CACNG5: variants seen among roughly 807,000 people sequenced by gnomAD.
CACNG5 encodes the protein calcium voltage-gated channel auxiliary subunit gamma 5, also known as voltage-dependent calcium channel gamma-5 subunit.
In CACNG5, 18 loss-of-function variants were observed where a neutral mutation model predicts 24.8. The observed-to-expected ratio is 0.73, with a 90% CI of 0.50 to 1.08. The LOEUF (loss-of-function observed/expected upper bound fraction) is 1.08. Ranked by LOEUF, CACNG5 falls within the 50% of genes least tolerant of loss-of-function variation. CACNG5 has a pLI of 0.00. For missense variants in CACNG5, 349 were observed against 367.9 expected (o/e 0.95, Z 0.42); for synonymous variants, 157 against 149.1 (o/e 1.05, Z -0.39).
chr17:66,884,278 G>T (rs1178461661), intron 4 of CACNG5, among the ~76,000 whole-genome samples: 1 of 152,228 alleles, frequency 6.6e-6, no homozygotes, highest in Admixed American at 6.5e-5. Flanking sequence ...TTAGCCCATG[G>T]CTTAGGAGGG....
intron 1 of CACNG5, among the ~76,000 whole-genome samples, chr17:66,842,924 G>A (rs1976587472): frequency 1.3e-5 from 2 of 152,192 alleles, no homozygotes; most frequent in Non-Finnish European, 2.9e-5. Flanking sequence ...GGGCAAGTGG[G>A]ACAGATGGCC....
rs1977321694 is a variant in CACNG5, at chr17:66,890,133, T to C, written c.*4893T>C. On this transcript the variant is annotated 3_prime_UTR_variant, in exon 6 of 6. Transcript: ENST00000533854. ...TGCCTTTGGAACACAGCACTCTGCC[T>C]AGGGAGTAGGTGCACAGGTGGATGG... 6.6e-6 allele frequency among the ~76,000 whole-genome samples: 1 copy of C among 152,212 alleles called. No homozygotes were observed. Among genetic ancestry groups the C allele is most frequent in the Non-Finnish European group, 1.5e-5 (1 of 68,034 alleles).
intron 1 of CACNG5, among the ~76,000 whole-genome samples, chr17:66,838,703 AAAT>A (rs1030059630): frequency 6.6e-6 from 1 of 152,166 alleles, no homozygotes; most frequent in African/African-American, 2.4e-5. Flanking sequence ...ATCTATTCTT[AAAT>A]AATAATAACG....
At chr17:66,843,671 A>ACC (rs1220829853) in intron 1 of CACNG5, among the ~76,000 whole-genome samples, 2 of 152,062 alleles carry the variant, frequency 1.3e-5, no homozygotes, top group African/African-American at 2.4e-5. Context: ...CTGTTCCAGG[A>ACC]GTTGGGACTT....
Position 66,892,338 on chromosome 17 carries a change from G to C in CACNG5, c.*7098G>C, listed in dbSNP as rs1432301632. Among the ~76,000 whole-genome samples the C allele has an allele frequency of 1.3e-5, 2 of 152,318 alleles. No homozygotes were observed. The highest frequency in any genetic ancestry group is 1.3e-4 in the Admixed American group (2 of 15,302). On this transcript the variant is annotated 3_prime_UTR_variant, in exon 6 of 6. Coordinates refer to ENST00000533854, the MANE Select transcript of CACNG5 (RefSeq NM_145811.3). ...ACTGGTATTCACTGGTATGCAGCTA[G>C]AGCCTGCCCCTGGAAAGAGGATAGA... is the stretch of plus-strand genomic sequence containing the variant.
intron 1 of CACNG5, among the ~76,000 whole-genome samples, chr17:66,851,572 A>T (rs1976709855): frequency 6.6e-6 from 1 of 152,246 alleles, no homozygotes; most frequent in Non-Finnish European, 1.5e-5. Flanking sequence ...AGGAGTAGAA[A>T]CCATATTAAA....
rs1258043993 is a variant in CACNG5, at chr17:66,893,187, C to T, written c.*7947C>T. On this transcript the variant is annotated 3_prime_UTR_variant, in exon 6 of 6. Transcript: ENST00000533854. ...GCAAGTCCTGTTTCAAGTGCACCCC[C>T]AAGAGCATGGCACCTACAGTCCTAA... 6.6e-6 allele frequency among the ~76,000 whole-genome samples: 1 copy of T among 152,324 alleles called. No homozygotes were observed. The highest frequency in any genetic ancestry group is 3.4e-3 in the Middle Eastern group (1 of 294).
At chr17:66,880,765 A>G in intron 4 of CACNG5, 68 bp downstream of exon 4, 2 of 1,576,356 alleles carry the variant, frequency 1.3e-6, no homozygotes, top group South Asian at 1.1e-5. Flanking sequence ...TTTTTGAGAC[A>G]GAGTCTTGCT....
At chr17:66,845,810 C>A (rs952904717) in intron 1 of CACNG5, among the ~76,000 whole-genome samples, 5 of 152,176 alleles carry the variant, frequency 3.3e-5, no homozygotes, top group African/African-American at 1.2e-4. Context: ...CAGTGCTAAT[C>A]ACAGACCTCC....
At chr17:66,852,018 G>T (rs929591190) in intron 1 of CACNG5, among the ~76,000 whole-genome samples, 2 of 152,242 alleles carry the variant, frequency 1.3e-5, no homozygotes, top group African/African-American at 4.8e-5. Context: ...GAGTAGGAAA[G>T]ATCCACTCTC....
rs2143140467 is a variant in CACNG5 at position 66,887,884 on chromosome 17, A to C, written c.*2644A>C. ...TGTCAATAATCACATCACCATCACAATTTCCTTTCTGTCTATAAATTCATC... is the reference window on the plus strand; with the variant it reads ...TGTCAATAATCACATCACCATCACACTTTCCTTTCTGTCTATAAATTCATC... On this transcript the variant is annotated 3_prime_UTR_variant, in exon 6 of 6. Transcript: ENST00000533854. Among the ~76,000 whole-genome samples, 1 of 152,250 alleles carries C rather than the reference A, an allele frequency of 6.6e-6. No individual in the cohort carries two copies. The highest frequency in any genetic ancestry group is 1.9e-4 in the East Asian group (1 of 5,174).
At position 66,879,177 on chromosome 17, in the gene CACNG5, G is replaced by C. The variant is rs573678586; in HGVS notation, c.283+119G>C. On this transcript the variant is annotated intron_variant, in intron 3 of 5. Coordinates refer to ENST00000533854, the MANE Select transcript of CACNG5 (RefSeq NM_145811.3). ...GGAATGCCCTTAGACTCAGCTGGGT[G>C]TGCTGTCCTGTTAATTAGAGATGAT... 2.9e-3 allele frequency: 1,903 copies of C among 662,230 alleles called. 3 individuals are homozygous for C. Among genetic ancestry groups the C allele is most frequent in the Non-Finnish European group, 3.4e-3 (1,299 of 381,642 alleles). The allele number at this position is 662,230 out of a possible 1,614,324, so 41.0% of individuals were successfully genotyped here.
In CACNG5 at chr17:66,838,960, C is replaced by CTTTTTTTTTTTTTTTTTTTTTTT. The variant is rs71160595; in HGVS notation, c.-104+3729_-104+3730insTTTTTTTTTTTTTTTTTTTTTTT. 9.1e-5 allele frequency among the ~76,000 whole-genome samples: 8 copies of CTTTTTTTTTTTTTTTTTTTTTTT among 88,094 alleles called. 1 individual carries two copies. The highest frequency in any genetic ancestry group is 1.5e-4 in the Non-Finnish European group (7 of 47,306). The allele number at this position is 88,094 out of a possible 152,430, so 57.8% of individuals were successfully genotyped here. A position where few individuals can be genotyped will look rare whatever the true frequency, so the allele number is the denominator to read the frequency against. On this transcript the variant is annotated intron_variant, in intron 1 of 5. Transcript: ENST00000533854. ...GTAGCACCCCAGTCCCTCACCCATTCTTTTTTTTTTTTTTTTTTTGAGACA... is the reference window on the plus strand; with the variant it reads ...GTAGCACCCCAGTCCCTCACCCATTCTTTTTTTTTTTTTTTTTTTTTTTTTTTTTTTTTTTTTTTTTTGAGACA...
At chr17:66,851,914 A>G (rs755553961) in intron 1 of CACNG5, among the ~76,000 whole-genome samples, 1 of 152,190 alleles carries the variant, frequency 6.6e-6, no homozygotes, top group East Asian at 1.9e-4. Context: ...TCTTGATCCA[A>G]GTGGATTCAG....
At position 66,891,954 on chromosome 17, in the gene CACNG5, C is replaced by A. The variant is rs2143148443; in HGVS notation, c.*6714C>A. Among the ~76,000 whole-genome samples the A allele has an allele frequency of 6.6e-6, 1 of 152,284 alleles. No individual in the cohort carries two copies. The highest frequency in any genetic ancestry group is 1.9e-4 in the East Asian group (1 of 5,192). On this transcript the variant is annotated 3_prime_UTR_variant, in exon 6 of 6. Coordinates refer to ENST00000533854, the MANE Select transcript of CACNG5 (RefSeq NM_145811.3). ...TGCTCTAGGCTCTAGGGGTTTAGTC[C>A]CAGATCTCTGAAATTTGTTTAAAGC...
chr17:66,858,892 G>T (rs1200783121), intron 1 of CACNG5, among the ~76,000 whole-genome samples: 1 of 152,162 alleles, frequency 6.6e-6, no homozygotes, highest in African/African-American at 2.4e-5. Context: ...TGAATACCTT[G>T]AATTCATCAC....
At chr17:66,855,719 AC>A in intron 1 of CACNG5, among the ~76,000 whole-genome samples, 1 of 151,976 alleles carries the variant, frequency 6.6e-6, no homozygotes, top group South Asian at 2.1e-4. Flanking sequence ...CTGGTCTTGA[AC>A]TCCTGGCCTC....
Position 66,891,097 on chromosome 17 carries a change from T to C in CACNG5, c.*5857T>C, listed in dbSNP as rs1386148339. 6.6e-6 allele frequency among the ~76,000 whole-genome samples: 1 copy of C among 152,148 alleles called. No individual in the cohort carries two copies. Among genetic ancestry groups the C allele is most frequent in the Non-Finnish European group, 1.5e-5 (1 of 68,036 alleles). ...GGCAACAGTGATTCCAAACATCCTA[T>C]CAAGATGCAACAGCTTCAGAGGGAA... is the stretch of plus-strand genomic sequence containing the variant. On this transcript the variant is annotated 3_prime_UTR_variant, in exon 6 of 6. Coordinates refer to ENST00000533854, the MANE Select transcript of CACNG5 (RefSeq NM_145811.3).
intron 1 of CACNG5, among the ~76,000 whole-genome samples, chr17:66,839,741 C>T (rs1342911554): frequency 2.0e-5 from 3 of 152,020 alleles, no homozygotes; most frequent in South Asian, 2.1e-4. Flanking sequence ...CCTGCATCAC[C>T]GAGGGCTGTG....
Sources: allele counts gnomAD v4.1 joint callset (sites outside exome capture counted in the v4.1 genomes callset), GRCh38; gene constraint gnomAD v4.1.1; transcripts MANE v1.5; gene names NCBI Gene and HGNC (gene_info 2026-07-23, HGNC 2026-07-21).